The following EMID1 variants were observed in gnomAD, a reference collection of about 807,000 sequenced individuals.
EMID1 encodes the protein EMI domain-containing protein 1.
Under a neutral mutation model 60.6 loss-of-function variants are expected in EMID1, and 40 were observed. The observed-to-expected ratio is 0.66, with a 90% CI of 0.51 to 0.86. The LOEUF is 0.86. Ranked by LOEUF, EMID1 falls within the 40% of genes least tolerant of loss-of-function variation. The pLI is 0.00. For synonymous variants in EMID1, 242 were observed against 231.0 expected (o/e 1.05, Z -0.43); for missense variants, 585 against 597.1 (o/e 0.98, Z 0.21).
chr22:29,219,014 G>A (rs987882965), intron 3 of EMID1, among the ~76,000 whole-genome samples: 4 of 152,256 alleles, frequency 2.6e-5, no homozygotes, highest in South Asian at 2.1e-4. Flanking sequence ...ACCGTCCTCC[G>A]TGCTGGGCGC....
chr22:29,237,462 T>C (rs1183902092), intron 12 of EMID1, among the ~76,000 whole-genome samples: 1 of 144,158 alleles, frequency 6.9e-6, no homozygotes, highest in Non-Finnish European at 1.5e-5. Flanking sequence ...GTTACAGGTG[T>C]GAGCCACCAT....
Position 29,231,675 on chromosome 22 carries a change from C to T in EMID1, c.669C>T (p.Gly223=), listed in dbSNP as rs1468827001. The change falls in exon 7 of 15, where the codon GGC becomes GGT. Residue 223 remains glycine, a synonymous_variant. Coordinates refer to ENST00000334018, the MANE Select transcript of EMID1 (RefSeq NM_133455.4). ...GTCGGGGCCCAATGGGGATGAGAGG[C>T]CCACCAGGTGAGTGCCCGCAATGCT... ...AGSRGPMGMR[G]PPGPQGPPGS... is the part of the protein sequence containing the mutation. 5 of 1,465,564 alleles carry T rather than the reference C, an allele frequency of 3.4e-6. No homozygotes were observed. The African/African-American group carries it at 7.1e-5, about 21-fold the overall frequency. The allele number at this position is 1,465,564 out of a possible 1,614,324, so 90.8% of individuals were successfully genotyped here.
chr22:29,231,919 G>A (rs1303837715), intron 7 of EMID1: 2 of 563,412 alleles, frequency 3.5e-6, no homozygotes, highest in African/African-American at 1.9e-5. Context: ...CTGGGCACTG[G>A]GTGGGGTCAG....
rs1363231371 is a variant in EMID1, at chr22:29,205,936, C to T, written c.-103C>T. On this transcript the variant is annotated 5_prime_UTR_variant, in exon 1 of 15. Coordinates refer to ENST00000334018, the MANE Select transcript of EMID1 (RefSeq NM_133455.4). ...TCCGGCCGCGGAGCTGGAAACCGGG[C>T]TCCGCGCGTCCGGGGCGGCTGGCGG... 1.6e-6 allele frequency: 1 copy of T among 611,662 alleles called. No individual in the cohort carries two copies. Among genetic ancestry groups the T allele is most frequent in the Non-Finnish European group, 2.1e-6 (1 of 481,208 alleles). 37.9% of individuals were successfully genotyped at this position (611,662 alleles called of 1,614,324 possible). A position where few individuals can be genotyped will look rare whatever the true frequency, so the allele number is the denominator to read the frequency against.
chr22:29,231,186 G>A (rs1465328902), intron 6 of EMID1, 46 bp downstream of exon 6: 4 of 1,541,324 alleles, frequency 2.6e-6, no homozygotes, highest in Admixed American at 2.0e-5. Context: ...GCAGTGGGTT[G>A]GGAATCGGGG....
At chr22:29,211,885 T>A (rs1049409139) in intron 1 of EMID1, among the ~76,000 whole-genome samples, 6 of 152,240 alleles carry the variant, frequency 3.9e-5, no homozygotes, top group African/African-American at 1.4e-4. Flanking sequence ...CACCAAGTTT[T>A]ATGCGTATTT....
Position 29,214,975 on chromosome 22 carries a change from A to C in EMID1, c.151A>C (p.Asn51His), listed in dbSNP as rs1374083016. ...VTRTISCHVQ[N>H]GTYLQRVLQN... is the part of the protein sequence containing the mutation. ...CCGCACCATCTCATGCCATGTGCAGAATGGCACCTACCTTCAGCGAGTGCT... is the reference window on the plus strand; with the variant it reads ...CCGCACCATCTCATGCCATGTGCAGCATGGCACCTACCTTCAGCGAGTGCT... Residue 51 changes from asparagine (N) to histidine (H), a missense_variant, in exon 2 of 15, where the codon AAT (asparagine) becomes CAT (histidine). Transcript: ENST00000334018. The C allele has an allele frequency of 1.3e-6, 2 of 1,553,638 alleles. No homozygotes were observed. The highest frequency in any genetic ancestry group is 1.7e-6 in the Non-Finnish European group (2 of 1,147,248).
intron 13 of EMID1, among the ~76,000 whole-genome samples, chr22:29,246,847 C>T (rs2041347847): frequency 6.6e-6 from 1 of 152,180 alleles, no homozygotes; most frequent in African/African-American, 2.4e-5. Context: ...CAGACAAGAA[C>T]TCACAATGTG....
At chr22:29,209,570 A>G (rs919405816) in intron 1 of EMID1, among the ~76,000 whole-genome samples, 3 of 151,904 alleles carry the variant, frequency 2.0e-5, no homozygotes, top group African/African-American at 7.3e-5. Context: ...CATTCAACAA[A>G]CATCGCTGAG....
chr22:29,219,421 A>G (rs1173836895), intron 3 of EMID1, among the ~76,000 whole-genome samples: 4 of 151,860 alleles, frequency 2.6e-5, no homozygotes, highest in African/African-American at 9.7e-5. Flanking sequence ...ATGGTTCCTC[A>G]CAGCCCTTGT....
chr22:29,255,025 C>T (rs1348984416), intron 14 of EMID1, among the ~76,000 whole-genome samples: 2 of 86,648 alleles, frequency 2.3e-5, no homozygotes, highest in East Asian at 4.7e-4. Flanking sequence ...ACTAAGAGAG[C>T]CAGGCCCTCA....
At chr22:29,251,864 C>G (rs1385970773) in intron 13 of EMID1, among the ~76,000 whole-genome samples, 1 of 152,050 alleles carries the variant, frequency 6.6e-6, no homozygotes, top group Non-Finnish European at 1.5e-5. Flanking sequence ...GGGGTTTCAC[C>G]ATGTTGGCCA....
chr22:29,206,252 A>G, intron 1 of EMID1, 113 bp downstream of exon 1: 1 of 844,372 alleles, frequency 1.2e-6, no homozygotes, highest in Non-Finnish European at 1.6e-6. Flanking sequence ...AGCCCGGGTG[A>G]GGGCAGGGAC....
chr22:29,227,025 C>T (rs1277127557), intron 5 of EMID1, among the ~76,000 whole-genome samples: 1 of 148,302 alleles, frequency 6.7e-6, no homozygotes, highest in Admixed American at 6.9e-5. Context: ...ATACTATCTT[C>T]CTGGTTTCAA....
chr22:29,249,842 T>G (rs2041460772), intron 13 of EMID1, among the ~76,000 whole-genome samples: 1 of 152,000 alleles, frequency 6.6e-6, no homozygotes, highest in Non-Finnish European at 1.5e-5. Flanking sequence ...CTCAAACTCC[T>G]GATCTCAGTT....
At chr22:29,225,874 T>C (rs1172219307) in intron 4 of EMID1, among the ~76,000 whole-genome samples, 1 of 152,170 alleles carries the variant, frequency 6.6e-6, no homozygotes, top group African/African-American at 2.4e-5. Context: ...ATGACTCATG[T>C]CATTCTCGTG....
At chr22:29,224,527 C>T (rs1456859256) in intron 3 of EMID1, among the ~76,000 whole-genome samples, 1 of 152,214 alleles carries the variant, frequency 6.6e-6, no homozygotes, top group Non-Finnish European at 1.5e-5. Context: ...TCCCCTTGCC[C>T]TCCCAGGCAG....
chr22:29,259,256 G>A lies in EMID1; in HGVS notation c.*312G>A. 2 of 372,838 alleles carry A rather than the reference G, an allele frequency of 5.4e-6. No individual in the cohort carries two copies. The highest frequency in any genetic ancestry group is 6.2e-5 in the South Asian group (2 of 32,196). 23.1% of individuals were successfully genotyped at this position (372,838 alleles called of 1,614,324 possible). On this transcript the variant is annotated 3_prime_UTR_variant, in exon 15 of 15. Coordinates refer to ENST00000334018, the MANE Select transcript of EMID1 (RefSeq NM_133455.4). ...GAGCATCCAGGCCCAAAGGCACTGAGGGAGTCAGGAGCTGGGGCTCGGCAC... is the reference window on the plus strand; with the variant it reads ...GAGCATCCAGGCCCAAAGGCACTGAAGGAGTCAGGAGCTGGGGCTCGGCAC...
chr22:29,217,015 G>A (rs1046496364), intron 3 of EMID1, among the ~76,000 whole-genome samples: 10 of 152,302 alleles, frequency 6.6e-5, no homozygotes, highest in Admixed American at 5.9e-4. Context: ...AGGTGGGGCC[G>A]AGGGGCAGGA....
Sources: allele counts gnomAD v4.1 joint callset (sites outside exome capture counted in the v4.1 genomes callset), GRCh38; gene constraint gnomAD v4.1.1; transcripts MANE v1.5; gene names NCBI Gene and HGNC (gene_info 2026-07-23, HGNC 2026-07-21).